The following DHCR24 variants were observed in gnomAD, a reference collection of about 807,000 sequenced individuals.
The protein encoded by DHCR24 is 24-dehydrocholesterol reductase, also known as delta(24)-sterol reductase.
DHCR24 carries 28 observed loss-of-function variants against 61.2 expected under a neutral mutation model. The observed-to-expected ratio is 0.46, with a 90% CI of 0.34 to 0.63. DHCR24 has a LOEUF of 0.63. Ranked by LOEUF, DHCR24 falls within the 20% of genes least tolerant of loss-of-function variation. DHCR24 has a pLI of 0.01. For missense variants in DHCR24, 538 were observed against 679.1 expected, an observed-to-expected ratio of 0.79 and a Z score of 2.31; for synonymous variants, 261 against 275.9, an observed-to-expected ratio of 0.95 and a Z score of 0.54.
chr1:54,877,737 ATGG>A (rs1194438915), intron 2 of DHCR24, among the ~76,000 whole-genome samples: 2 of 152,128 alleles, frequency 1.3e-5, no homozygotes, highest in African/African-American at 4.8e-5. Flanking sequence ...GAGGCTGGGC[ATGG>A]TGGCTCACGC....
chr1:54,882,796 T>C (rs1647070919), intron 2 of DHCR24, among the ~76,000 whole-genome samples: 1 of 152,106 alleles, frequency 6.6e-6, no homozygotes, highest in Non-Finnish European at 1.5e-5. Context: ...CAAACTAATT[T>C]ATAGTGGCAG....
intron 6 of DHCR24, among the ~76,000 whole-genome samples, chr1:54,855,184 G>C (rs965694006): frequency 8.5e-5 from 13 of 152,214 alleles, no homozygotes; most frequent in Admixed American, 8.5e-4. Flanking sequence ...CATGAGGTCA[G>C]GAGATCGAGA....
chr1:54,869,790 A>C (rs1232546103), intron 5 of DHCR24, among the ~76,000 whole-genome samples: 1 of 152,138 alleles, frequency 6.6e-6, no homozygotes, highest in Non-Finnish European at 1.5e-5. Flanking sequence ...AGTGGCTCGC[A>C]CCTGTAATCC....
chr1:54,868,253 G>A (rs1557434805), intron 5 of DHCR24, among the ~76,000 whole-genome samples: 2 of 152,038 alleles, frequency 1.3e-5, no homozygotes, highest in Non-Finnish European at 2.9e-5. Context: ...GGTGGATCAC[G>A]AGGTCAGGAG....
intron 5 of DHCR24, among the ~76,000 whole-genome samples, chr1:54,866,408 G>A (rs552501102): frequency 6.6e-6 from 1 of 151,434 alleles, no homozygotes; most frequent in Non-Finnish European, 1.5e-5. Flanking sequence ...GAGTTCAGTG[G>A]CACGATCTTG....
intron 8 of DHCR24, 124 bp from the exon 9 acceptor site, chr1:54,852,510 C>G: frequency 1.9e-6 from 2 of 1,072,622 alleles, no homozygotes; most frequent in Non-Finnish European, 2.8e-6. Context: ...TGTTTAACCC[C>G]GTTAACCTGG....
intron 5 of DHCR24, among the ~76,000 whole-genome samples, chr1:54,870,521 C>T (rs1240292312): frequency 6.6e-6 from 1 of 152,182 alleles, no homozygotes; most frequent in Non-Finnish European, 1.5e-5. Flanking sequence ...TTGCATATAA[C>T]CCTATGCACA....
chr1:54,870,994 C>T (rs780352978), intron 5 of DHCR24, among the ~76,000 whole-genome samples: 3 of 152,224 alleles, frequency 2.0e-5, no homozygotes, highest in Non-Finnish European at 1.5e-5. Flanking sequence ...TGGAAGTTTA[C>T]ATTACCTCTT....
chr1:54,874,910 A>G (rs1313733639), intron 4 of DHCR24, among the ~76,000 whole-genome samples, 183 bp downstream of exon 4: 1 of 152,236 alleles, frequency 6.6e-6, no homozygotes, highest in Non-Finnish European at 1.5e-5. Flanking sequence ...CTTAATATAT[A>G]TAATGGATTT....
intron 3 of DHCR24, among the ~76,000 whole-genome samples, chr1:54,875,647 A>G (rs1647024427): frequency 6.6e-6 from 1 of 152,092 alleles, no homozygotes; most frequent in South Asian, 2.1e-4. Context: ...AGGAGAAGAG[A>G]GACTATACTT....
chr1:54,853,256 C>A (rs949973317), intron 8 of DHCR24, among the ~76,000 whole-genome samples, 178 bp downstream of exon 8: 1 of 152,140 alleles, frequency 6.6e-6, no homozygotes, highest in Non-Finnish European at 1.5e-5. Flanking sequence ...AAGCCCACCC[C>A]CTGCCCATCT....
chr1:54,871,835 A>G (rs777648116), intron 4 of DHCR24, among the ~76,000 whole-genome samples: 48 of 151,930 alleles, frequency 3.2e-4, no homozygotes, highest in Non-Finnish European at 5.4e-4. Context: ...AGGGACCCTC[A>G]CTGAGAGAGC....
At chr1:54,853,353 C>T (rs1170751213) in intron 8 of DHCR24, 81 bp downstream of exon 8, 3 of 1,573,712 alleles carry the variant, frequency 1.9e-6, no homozygotes, top group Non-Finnish European at 2.6e-6. Flanking sequence ...CCTGGTTCTC[C>T]ATAGAGCTGG....
intron 6 of DHCR24, among the ~76,000 whole-genome samples, chr1:54,863,723 C>T (rs910819827): frequency 7.2e-5 from 11 of 152,178 alleles, no homozygotes; most frequent in African/African-American, 2.7e-4. Flanking sequence ...AAATTAAAAA[C>T]TTCTGTGCAT....
intron 2 of DHCR24, among the ~76,000 whole-genome samples, chr1:54,881,486 A>G (rs543962462): frequency 3.9e-4 from 60 of 152,330 alleles, no homozygotes; most frequent in Non-Finnish European, 6.2e-4. Context: ...AAGTCAAAAA[A>G]TAACAGATGC....
At chr1:54,860,812 C>T (rs1646932961) in intron 6 of DHCR24, among the ~76,000 whole-genome samples, 2 of 151,938 alleles carry the variant, frequency 1.3e-5, no homozygotes, top group South Asian at 4.1e-4. Flanking sequence ...GGTGAAACCC[C>T]GTCTCTGCTA....
chr1:54,854,197 T>C lies in DHCR24; in HGVS notation c.1058A>G (p.Tyr353Cys), dbSNP rs1646894148. The change falls in exon 7 of 9, where the codon TAC (tyrosine) becomes TGC (cysteine). Residue 353 changes from tyrosine (Y) to cysteine (C), a missense_variant. By Grantham distance (194) the Tyr-to-Cys change is radical. Coordinates refer to ENST00000371269, the MANE Select transcript of DHCR24 (RefSeq NM_014762.4). ...GGGAGGCACCATCCAGCCAAAGAGG[T>C]AGCGGAAGATGGGGTTGTTGCCAAA... is the stretch of plus-strand genomic sequence containing the variant. ...IPFGNNPIFR[Y>C]LFGWMVPPKI... The C allele has an allele frequency of 6.2e-7, 1 of 1,613,822 alleles. No homozygotes were observed. Among genetic ancestry groups the C allele is most frequent in the South Asian group, 1.1e-5 (1 of 91,052 alleles).
rs372744843 is a variant in DHCR24 at position 54,886,925 on chromosome 1, G to T, written c.195C>A (p.Arg65=). 1.2e-6 allele frequency: 2 copies of T among 1,613,378 alleles called. No individual in the cohort carries two copies. The highest frequency in any genetic ancestry group is 2.2e-5 in the East Asian group (1 of 44,854). The change falls in exon 1 of 9, where the codon CGC becomes CGA. Residue 65 remains arginine (R), a synonymous_variant. Transcript: ENST00000371269. ...WVVFKLSSAP[R]LHEQRVRDIQ... ...TGTCCCGCACGCGCTGCTCGTGCAG[G>T]CGCGGAGCGCTGCTGAGCTTGAACA...
At chr1:54,853,106 G>A (rs1165647076) in intron 8 of DHCR24, among the ~76,000 whole-genome samples, 1 of 152,104 alleles carries the variant, frequency 6.6e-6, no homozygotes, top group African/African-American at 2.4e-5. Context: ...GTTGCCCCTG[G>A]ACCCAGCTAA....
Sources: allele counts gnomAD v4.1 joint callset (sites outside exome capture counted in the v4.1 genomes callset), GRCh38; gene constraint gnomAD v4.1.1; transcripts MANE v1.5; gene names NCBI Gene and HGNC (gene_info 2026-07-23, HGNC 2026-07-21).